DNAH3: variants seen among roughly 807,000 people sequenced by gnomAD.
DNAH3 encodes dynein axonemal heavy chain 3, also known as axonemal beta dynein heavy chain 3.
Under a neutral mutation model 432.5 loss-of-function variants are expected in DNAH3, and 332 were observed. The ratio of observed to expected loss-of-function variants is 0.77; its 90% confidence interval spans 0.70 to 0.84. The LOEUF is 0.84. DNAH3 is among the 40% of genes least tolerant of loss of function. The pLI is 0.00. For missense variants in DNAH3, 4,861 were observed against 5,114.0 expected (o/e 0.95, Z 1.51); for synonymous variants, 1,956 against 1,900.2 (o/e 1.03, Z -0.76).
At chr16:21,016,476 A>G (rs2087862431) in intron 41 of DNAH3, among the ~76,000 whole-genome samples, 1 of 152,164 alleles carries the variant, frequency 6.6e-6, no homozygotes, top group Non-Finnish European at 1.5e-5. Context: ...ACCCACCACA[A>G]TGGCTATTAT....
At chr16:20,951,911 T>C (rs2084333696) in intron 56 of DNAH3, among the ~76,000 whole-genome samples, 1 of 151,868 alleles carries the variant, frequency 6.6e-6, no homozygotes, top group Non-Finnish European at 1.5e-5. Context: ...GCCCGGCTAA[T>C]TTTTTATATT....
intron 51 of DNAH3, among the ~76,000 whole-genome samples, chr16:20,974,721 A>G (rs2085503672): frequency 6.7e-6 from 1 of 149,504 alleles, no homozygotes; most frequent in Non-Finnish European, 1.5e-5. Flanking sequence ...ACACCTGCCC[A>G]TATGTTGGGT....
In DNAH3 at chr16:20,947,924, C is replaced by T. The variant is rs143426602; in HGVS notation, c.11343+559G>A. Among the ~76,000 whole-genome samples, 1,119 of 152,042 alleles carry T rather than the reference C, an allele frequency of 7.4e-3. 20 individuals carry two copies. The highest frequency in any genetic ancestry group is 0.025 in the African/African-American group (1,053 of 41,470). ...CCAAGTAGTTGGGATTACAGGCAGG[C>T]GCCACCACACCTGGTTAATTTTTAT... is the stretch of plus-strand genomic sequence containing the variant. On this transcript the variant is annotated intron_variant, in intron 57 of 61. Coordinates refer to ENST00000261383, the Ensembl canonical transcript of DNAH3.
exon 53 of DNAH3, chr16:20,964,004 A>G: frequency 6.2e-7 from 1 of 1,614,180 alleles, no homozygotes; most frequent in Non-Finnish European, 8.5e-7. Flanking sequence ...ACTGGCTTGT[A>G]GCCCATCCGA....
chr16:21,032,743 G>A (rs376251799), intron 36 of DNAH3, among the ~76,000 whole-genome samples: 18 of 152,178 alleles, frequency 1.2e-4, no homozygotes, highest in African/African-American at 3.9e-4. Context: ...AGCCCAGGAG[G>A]CAGAGGTTGC....
At chr16:21,024,464 TG>T in intron 39 of DNAH3, 131 bp downstream of exon 39, 1 of 621,328 alleles carries the variant, frequency 1.6e-6, no homozygotes. Context: ...ACAAGATAAC[TG>T]GGGACAACAA....
chr16:21,074,038 T>A (rs1307679146), intron 21 of DNAH3, among the ~76,000 whole-genome samples: 1 of 152,226 alleles, frequency 6.6e-6, no homozygotes, highest in Non-Finnish European at 1.5e-5. Context: ...AAACTTTGAT[T>A]AAATAAAATT....
chr16:20,979,130 G>A (rs1312193016), intron 50 of DNAH3, among the ~76,000 whole-genome samples, 200 bp downstream of exon 50: 1 of 152,076 alleles, frequency 6.6e-6, no homozygotes, highest in East Asian at 1.9e-4. Context: ...AAAAACCCAT[G>A]ATGAACAAAA....
rs536230221 is a variant in DNAH3, at chr16:21,145,069, G to C, written c.448+112C>G. 4.4e-5 allele frequency: 41 copies of C among 938,120 alleles called. No individual in the cohort carries two copies. In the East Asian group the frequency reaches 1.1e-3, roughly 24 times the overall value. 58.1% of individuals were successfully genotyped at this position (938,120 alleles called of 1,614,324 possible). On this transcript the variant is annotated intron_variant, in intron 3 of 61. Coordinates refer to ENST00000261383, the Ensembl canonical transcript of DNAH3. The stretch of plus-strand genomic sequence containing the variant: ...GGAGGTTGCAATGAGCCACGATCGT[G>C]CCATGGCACTCCAGCCTGGGCGACA...
chr16:20,934,371 T>C (rs1441354987), intron 61 of DNAH3, among the ~76,000 whole-genome samples: 1 of 152,196 alleles, frequency 6.6e-6, no homozygotes, highest in East Asian at 1.9e-4. Context: ...AAGTTGAACA[T>C]ATTGTAAGCC....
At chr16:21,099,260 GGATGGATGGATGGACA>G (rs1266167621) in intron 16 of DNAH3, among the ~76,000 whole-genome samples, 1 of 152,032 alleles carries the variant, frequency 6.6e-6, no homozygotes, top group Non-Finnish European at 1.5e-5. Flanking sequence ...ATGGATGGAT[GGATGGATGGATGGACA>G]GATGGATGGA....
At chr16:21,076,378 T>G (rs1019818107) in intron 20 of DNAH3, among the ~76,000 whole-genome samples, 6 of 152,170 alleles carry the variant, frequency 3.9e-5, no homozygotes, top group African/African-American at 1.4e-4. Context: ...CCTTGGACTT[T>G]AAGCCTCCAG....
rs181445720 is a variant in DNAH3, at chr16:20,960,583, T to C, written c.10601-1179A>G. Among the ~76,000 whole-genome samples, 788 of 152,274 alleles carry C rather than the reference T, an allele frequency of 5.2e-3. 7 individuals carry two copies. The highest frequency in any genetic ancestry group is 0.018 in the African/African-American group (740 of 41,544). On this transcript the variant is annotated intron_variant, in intron 53 of 61. Coordinates refer to ENST00000261383, the Ensembl canonical transcript of DNAH3. ...TTAGCTGGGTGGCACATGCCTGTAG[T>C]CCGAGCTACTCGGGAGGCTGAGGCA...
At chr16:21,094,681 T>C (rs2040940796) in intron 18 of DNAH3, among the ~76,000 whole-genome samples, 1 of 151,866 alleles carries the variant, frequency 6.6e-6, no homozygotes, top group Non-Finnish European at 1.5e-5. Flanking sequence ...TATATATATA[T>C]ATGGACAATA....
At chr16:21,048,781 C>T (rs1314529399) in intron 31 of DNAH3, among the ~76,000 whole-genome samples, 1 of 151,902 alleles carries the variant, frequency 6.6e-6, no homozygotes, top group Admixed American at 6.6e-5. Context: ...GCAACCTCCG[C>T]CTCCCAGGTT....
chr16:21,081,914 A>G (rs1053675273), intron 19 of DNAH3, among the ~76,000 whole-genome samples, 187 bp from the exon 20 acceptor site: 12 of 152,144 alleles, frequency 7.9e-5, no homozygotes, highest in Non-Finnish European at 1.5e-4. Flanking sequence ...AATTAAATTA[A>G]AAAAATTTTT....
intron 19 of DNAH3, among the ~76,000 whole-genome samples, chr16:21,085,545 A>G (rs1029223318): frequency 2.7e-4 from 41 of 151,604 alleles, no homozygotes; most frequent in African/African-American, 8.2e-4. Context: ...AAAAAAAAAA[A>G]AAAGAAAAAC....
At chr16:21,131,854 C>CAAAAA (rs528482208) in intron 7 of DNAH3, among the ~76,000 whole-genome samples, 1 of 67,648 alleles carries the variant, frequency 1.5e-5, no homozygotes, top group African/African-American at 5.3e-5. Flanking sequence ...AACTCCATCT[C>CAAAAA]AAAAAAAAAA....
chr16:21,028,821 A>G (rs1453424218), intron 37 of DNAH3, among the ~76,000 whole-genome samples: 1 of 152,174 alleles, frequency 6.6e-6, no homozygotes, highest in African/African-American at 2.4e-5. Flanking sequence ...AAGTTATAAG[A>G]AAGGCCTGAG....
Sources: gnomAD v4.1 joint callset for allele counts (sites outside exome capture counted in the v4.1 genomes callset) on GRCh38, gnomAD v4.1.1 for gene constraint, MANE v1.5 for transcripts, NCBI Gene and HGNC (gene_info 2026-07-23, HGNC 2026-07-21) for gene names.